The following RABEP1 variants were observed in gnomAD, a reference collection of about 807,000 sequenced individuals.
RABEP1 encodes the protein rabaptin, RAB GTPase binding effector protein 1.
RABEP1 carries 51 observed loss-of-function variants against 123.4 expected under a neutral mutation model. The observed-to-expected ratio is 0.41, with a 90% confidence interval of 0.33 to 0.52. The LOEUF is 0.52. Ranked by LOEUF, RABEP1 falls within the 20% of genes least tolerant of loss-of-function variation. The probability of loss-of-function intolerance (pLI) is 0.16; values close to 1 mark genes in which losing one functional copy is unlikely to be tolerated. For synonymous variants in RABEP1, 347 were observed against 355.2 expected (o/e 0.98, Z 0.26); for missense variants, 888 against 996.3 (o/e 0.89, Z 1.46).
At chr17:5,307,037 G>A (rs897827890) in intron 1 of RABEP1, among the ~76,000 whole-genome samples, 5 of 152,194 alleles carry the variant, frequency 3.3e-5, no homozygotes, top group Non-Finnish European at 7.4e-5. Context: ...GCTTATGGAA[G>A]GCCAGGTGCG....
At chr17:5,295,537 G>A (rs1206396145) in intron 1 of RABEP1, among the ~76,000 whole-genome samples, 1 of 148,016 alleles carries the variant, frequency 6.8e-6, no homozygotes, top group East Asian at 2.0e-4. Context: ...CCTGATACAT[G>A]TGTCTCTAAA....
chr17:5,330,132 T>A (rs7210387), intron 2 of RABEP1, among the ~76,000 whole-genome samples: 104 of 152,262 alleles, frequency 6.8e-4, no homozygotes, highest in African/African-American at 2.4e-3. Context: ...TATGAAACAG[T>A]TTAACACTCA....
intron 6 of RABEP1, among the ~76,000 whole-genome samples, chr17:5,347,546 T>C (rs1908174997): frequency 6.6e-6 from 1 of 152,062 alleles, no homozygotes; most frequent in Non-Finnish European, 1.5e-5. Flanking sequence ...TTGATGGAGG[T>C]GTATTAGCAA....
intron 5 of RABEP1, among the ~76,000 whole-genome samples, chr17:5,341,502 AT>A (rs1356200602): frequency 1.3e-5 from 2 of 152,180 alleles, no homozygotes; most frequent in Non-Finnish European, 2.9e-5. Context: ...TAAACTGTTG[AT>A]TTTACAGGTA....
At chr17:5,283,463 G>C (rs2074948404) in intron 1 of RABEP1, among the ~76,000 whole-genome samples, 1 of 152,160 alleles carries the variant, frequency 6.6e-6, no homozygotes, top group Non-Finnish European at 1.5e-5. Context: ...CATGGTTCCA[G>C]GTTTTACCAC....
In RABEP1 at chr17:5,380,214, A is replaced by AG. The variant is rs774987665; in HGVS notation, c.2272-146dup. On this transcript the variant is annotated intron_variant, in intron 15 of 17. Coordinates refer to ENST00000537505, the MANE Select transcript of RABEP1 (RefSeq NM_004703.6). ...AAAGAATAGTTCAGGAAGAATACAG[A>AG]GGGGATCCACAGAGCTGAAAGGGTG... is the stretch of plus-strand genomic sequence containing the variant. 47 of 596,516 alleles carry AG rather than the reference A, an allele frequency of 7.9e-5. No individual in the cohort carries two copies. The East Asian group carries it at 1.3e-3, about 16-fold the overall frequency. 37.0% of individuals were successfully genotyped at this position (596,516 alleles called of 1,614,324 possible). A position where few individuals can be genotyped will look rare whatever the true frequency, so the allele number is the denominator to read the frequency against.
chr17:5,327,930 G>T (rs907581645), intron 2 of RABEP1, among the ~76,000 whole-genome samples: 2 of 152,134 alleles, frequency 1.3e-5, no homozygotes, highest in Non-Finnish European at 2.9e-5. Flanking sequence ...GGGACAATGG[G>T]CATAGGACAA....
At chr17:5,359,124 A>G (rs907322302) in intron 8 of RABEP1, among the ~76,000 whole-genome samples, 3 of 149,344 alleles carry the variant, frequency 2.0e-5, no homozygotes, top group East Asian at 3.9e-4. Flanking sequence ...CCCAGGCTGG[A>G]GTGCAGTGGT....
rs1185209680 is a variant in RABEP1 at position 5,294,633 on chromosome 17, C to CT, written c.34+12145dup. Reference sequence around the variant, plus strand: ...AGATACTGAGGGAAAACGGTATTGTCTTTTTTTTTTTTTTTTTTTTTTTTT... The same window carrying CT: ...AGATACTGAGGGAAAACGGTATTGTCTTTTTTTTTTTTTTTTTTTTTTTTTT... On this transcript the variant is annotated intron_variant, in intron 1 of 17. Coordinates refer to ENST00000537505, the MANE Select transcript of RABEP1 (RefSeq NM_004703.6). Among the ~76,000 whole-genome samples the CT allele has an allele frequency of 2.0e-3, 106 of 53,022 alleles. 14 individuals carry two copies. The highest frequency in any genetic ancestry group is 4.4e-3 in the African/African-American group (67 of 15,182). The allele number at this position is 53,022 out of a possible 152,430, so 34.8% of individuals were successfully genotyped here. A position where few individuals can be genotyped will look rare whatever the true frequency, so the allele number is the denominator to read the frequency against.
chr17:5,354,377 A>C lies in RABEP1; in HGVS notation c.982A>C (p.Arg328=). Residue 328 remains arginine (R), a synonymous_variant, in exon 8 of 18, where the codon AGA becomes CGA. Transcript: ENST00000537505. Reference sequence around the variant, plus strand: ...CTTTTAGGAGGATGATGAACAACAAAGACTCAATAAGAGAAAGGATCACAA... The same window carrying C: ...CTTTTAGGAGGATGATGAACAACAACGACTCAATAAGAGAAAGGATCACAA... ...KKDQEDDEQQ[R]LNKRKDHKKA... The C allele has an allele frequency of 6.2e-7, 1 of 1,612,044 alleles. No homozygotes were observed. The highest frequency in any genetic ancestry group is 2.2e-5 in the East Asian group (1 of 44,734).
At chr17:5,333,758 C>T (rs1169682513) in intron 3 of RABEP1, among the ~76,000 whole-genome samples, 2 of 152,138 alleles carry the variant, frequency 1.3e-5, no homozygotes, top group South Asian at 2.1e-4. Context: ...ACTCCTTCAG[C>T]CCTTCTGTTC....
At position 5,374,973 on chromosome 17, in the gene RABEP1, C is replaced by T. The variant is rs181452256; in HGVS notation, c.2025+1519C>T. ...TGTATTTTTAGTAGAGATGCGGTTT[C>T]GCCATGTTGGCCAGGCTGGTCTCGA... On this transcript the variant is annotated intron_variant, in intron 13 of 17. Transcript: ENST00000537505. 4.2e-3 allele frequency among the ~76,000 whole-genome samples: 641 copies of T among 152,030 alleles called. 4 individuals carry two copies. The highest frequency in any genetic ancestry group is 0.015 in the African/African-American group (621 of 41,472).
chr17:5,294,633 C>CTCTTTTT (rs2075063675), intron 1 of RABEP1, among the ~76,000 whole-genome samples: 1 of 53,024 alleles, frequency 1.9e-5, no homozygotes, highest in Non-Finnish European at 3.4e-5. Context: ...ACGGTATTGT[C>CTCTTTTT]TTTTTTTTTT....
At chr17:5,312,835 G>A (rs775734987) in intron 2 of RABEP1, among the ~76,000 whole-genome samples, 1 of 152,124 alleles carries the variant, frequency 6.6e-6, no homozygotes, top group Non-Finnish European at 1.5e-5. Context: ...GACTAGGCAC[G>A]GTCGCACATG....
At position 5,282,306 on chromosome 17, in the gene RABEP1, C is replaced by T. The variant is rs910128167; in HGVS notation, c.-181C>T. The T allele has an allele frequency of 3.3e-5, 14 of 419,434 alleles. No homozygotes were observed. Among genetic ancestry groups the T allele is most frequent in the Non-Finnish European group, 5.7e-5 (14 of 243,662 alleles). 26.0% of individuals were successfully genotyped at this position (419,434 alleles called of 1,614,324 possible). On this transcript the variant is annotated 5_prime_UTR_variant, in exon 1 of 18. Coordinates refer to ENST00000537505, the MANE Select transcript of RABEP1 (RefSeq NM_004703.6). ...GCTGTCAGGATGAGGAGGCGGAGGT[C>T]GGCGGTCGGGTCCGTCTCTGCCCGC... is the stretch of plus-strand genomic sequence containing the variant.
chr17:5,341,712 G>T (rs564799116), intron 5 of RABEP1, among the ~76,000 whole-genome samples: 1 of 152,160 alleles, frequency 6.6e-6, no homozygotes, highest in Admixed American at 6.5e-5. Flanking sequence ...TTTCAACATC[G>T]TAGGTAAAAT....
At chr17:5,320,438 A>AG (rs1450984254) in intron 2 of RABEP1, among the ~76,000 whole-genome samples, 8 of 149,130 alleles carry the variant, frequency 5.4e-5, no homozygotes, top group Non-Finnish European at 1.0e-4. Context: ...AAAAAAAAAA[A>AG]AAAAAAGAAA....
At position 5,368,458 on chromosome 17, in the gene RABEP1, A is replaced by AG; in HGVS notation, c.1876dup (p.Glu626GlyfsTer24). On this transcript the variant is annotated frameshift_variant, in exon 12 of 18. Transcript: ENST00000537505. LOFTEE classifies it high-confidence loss of function. ...CTTTCCCAGGCAAAGAGGGATGTTC[A>AG]GGAACAGATGGTAAGTTTACATTTT... is the stretch of plus-strand genomic sequence containing the variant. 1 of 1,611,242 alleles carries AG rather than the reference A, an allele frequency of 6.2e-7. No individual in the cohort carries two copies. The highest frequency in any genetic ancestry group is 8.5e-7 in the Non-Finnish European group (1 of 1,177,706).
At chr17:5,311,697 C>CAAAAAAAAAAA (rs35876639) in intron 2 of RABEP1, among the ~76,000 whole-genome samples, 2 of 70,860 alleles carry the variant, frequency 2.8e-5, no homozygotes, top group Non-Finnish European at 4.9e-5. Flanking sequence ...GACTTCATCT[C>CAAAAAAAAAAA]AAAAAAAAAA....
Sources: gnomAD v4.1 joint callset for allele counts (sites outside exome capture counted in the v4.1 genomes callset) on GRCh38, gnomAD v4.1.1 for gene constraint, MANE v1.5 for transcripts, NCBI Gene and HGNC (gene_info 2026-07-23, HGNC 2026-07-21) for gene names.